Variants in FKBP7 observed in about 807,000 individuals in gnomAD.
FKBP7 encodes peptidyl-prolyl cis-trans isomerase FKBP7.
In FKBP7, 24 loss-of-function variants were observed where a neutral mutation model predicts 24.3. That is an observed-to-expected ratio of 0.99 (90% confidence interval 0.72 to 1.39). The LOEUF (loss-of-function observed/expected upper bound fraction) is 1.39, where lower values mean the gene tolerates loss of function less well. FKBP7 is among the 40% of genes most tolerant of loss of function. FKBP7 has a pLI of 0.00. For synonymous variants in FKBP7, 98 were observed against 92.8 expected, an observed-to-expected ratio of 1.06 and a Z score of -0.32; for missense variants, 257 against 269.5, an observed-to-expected ratio of 0.95 and a Z score of 0.33.
At position 178,465,839 on chromosome 2, in the gene FKBP7, C is replaced by G. The variant is rs200325136; in HGVS notation, c.600G>C (p.Lys200Asn). 4 of 1,611,806 alleles carry G rather than the reference C, an allele frequency of 2.5e-6. No homozygotes were observed. Among genetic ancestry groups the G allele is most frequent in the Non-Finnish European group, 3.4e-6 (4 of 1,178,990 alleles). Residue 200 changes from lysine to asparagine, a missense_variant, in exon 4 of 4, where the codon AAG becomes AAC. Coordinates refer to ENST00000424785, the MANE Select transcript of FKBP7 (RefSeq NM_181342.3). Reference sequence around the variant, plus strand: ...TGAAGCCATCACCATCATGGTCATTCTTCTTAAAAATATCTTCTAAAACTG... The same window carrying G: ...TGAAGCCATCACCATCATGGTCATTGTTCTTAAAAATATCTTCTAAAACTG... ...QDAVLEDIFK[K>N]NDHDGDGFIS... is the part of the protein sequence containing the mutation.
intron 2 of FKBP7, 89 bp downstream of exon 2, chr2:178,476,973 T>C (rs1685026996): frequency 2.1e-6 from 2 of 946,256 alleles, no homozygotes; most frequent in Non-Finnish European, 3.1e-6. Flanking sequence ...GAGACTGTGC[T>C]TTCAATTCTT....
intron 2 of FKBP7, among the ~76,000 whole-genome samples, chr2:178,475,872 G>A (rs1361789264): frequency 2.0e-5 from 3 of 152,072 alleles, no homozygotes; most frequent in African/African-American, 7.2e-5. Flanking sequence ...TTTGCTGTAG[G>A]ATTTTTAAAA....
At position 178,464,413 on chromosome 2, in the gene FKBP7, G is replaced by C. The variant is rs1354310218; in HGVS notation, c.*1357C>G. ...AATTGACTCATGGTTCCCCATGGCT[G>C]GGGAGGCCTCAGGAAGCTTACAATC... On this transcript the variant is annotated 3_prime_UTR_variant, in exon 4 of 4. Transcript: ENST00000424785. The C allele has an allele frequency of 6.6e-6, 1 of 152,204 alleles. No individual in the cohort carries two copies. The highest frequency in any genetic ancestry group is 2.4e-5 in the African/African-American group (1 of 41,452). 9.4% of individuals were successfully genotyped at this position (152,204 alleles called of 1,614,324 possible). A position where few individuals can be genotyped will look rare whatever the true frequency, so the allele number is the denominator to read the frequency against.
chr2:178,472,400 A>G (rs1486434118), intron 2 of FKBP7, among the ~76,000 whole-genome samples: 1 of 152,176 alleles, frequency 6.6e-6, no homozygotes, highest in Non-Finnish European at 1.5e-5. Flanking sequence ...TTAAGAAAAA[A>G]TATTGTAGGT....
chr2:178,472,992 A>C, intron 2 of FKBP7: 1 of 936,168 alleles, frequency 1.1e-6, no homozygotes, highest in South Asian at 1.4e-5. Flanking sequence ...GAAGCAGATC[A>C]AAGAAGTAGG....
chr2:178,466,545 T>C (rs1359041452), intron 3 of FKBP7, among the ~76,000 whole-genome samples: 1 of 152,120 alleles, frequency 6.6e-6, no homozygotes, highest in Non-Finnish European at 1.5e-5. Flanking sequence ...ATGTGACTAA[T>C]GAGCACTTGA....
At chr2:178,468,008 A>G (rs1196951525) in intron 3 of FKBP7, 1 of 152,188 alleles carries the variant, frequency 6.6e-6, no homozygotes, top group Non-Finnish European at 1.5e-5. Flanking sequence ...TCCTTCTTCC[A>G]CTGTTGGCCA....
intron 1 of FKBP7, 57 bp downstream of exon 1, chr2:178,478,222 G>A: frequency 4.4e-6 from 7 of 1,597,438 alleles, no homozygotes; most frequent in Non-Finnish European, 6.0e-6. Flanking sequence ...TCCGCTTGGT[G>A]GAGGCAGGCA....
At chr2:178,476,769 C>G (rs1685015751) in intron 2 of FKBP7, among the ~76,000 whole-genome samples, 1 of 142,886 alleles carries the variant, frequency 7.0e-6, no homozygotes, top group Non-Finnish European at 1.5e-5. Context: ...CAGGCTGGTC[C>G]TGGCCTCAAG....
chr2:178,467,294 T>C (rs1487723914), intron 3 of FKBP7, among the ~76,000 whole-genome samples: 2 of 152,234 alleles, frequency 1.3e-5, no homozygotes, highest in Admixed American at 6.5e-5. Flanking sequence ...TAAAATACTG[T>C]ATTTCCCCCG....
At position 178,478,444 on chromosome 2, in the gene FKBP7, C is replaced by A. The variant is rs781233373; in HGVS notation, c.56G>T (p.Gly19Val). ...FRFIVFFYLW[G>V]LFTAQRQKKE... ...CTTTTGTCTCTGAGCAGTAAAAAGG[C>A]CCCACAGATAAAAGAAAACAATGAA... The change falls in exon 1 of 4, where the codon GGC becomes GTC. Residue 19 changes from glycine (G) to valine (V), a missense_variant. Gly to Val is a moderately radical substitution (Grantham distance 109). Transcript: ENST00000424785. The A allele has an allele frequency of 6.2e-7, 1 of 1,614,204 alleles. No individual in the cohort carries two copies. The highest frequency in any genetic ancestry group is 2.2e-5 in the East Asian group (1 of 44,894).
At chr2:178,467,594 A>G (rs1277888079) in intron 3 of FKBP7, among the ~76,000 whole-genome samples, 1 of 152,200 alleles carries the variant, frequency 6.6e-6, no homozygotes, top group Non-Finnish European at 1.5e-5. Flanking sequence ...TAGAATAATG[A>G]TTATGGCCAT....
At position 178,477,051 on chromosome 2, in the gene FKBP7, A is replaced by G; in HGVS notation, c.373+11T>C. ...ATAACTAAAACAAGAAATTAAAATT[A>G]AACATCTTACCATAGCCTTCCTTTC... On this transcript the variant is annotated intron_variant, in intron 2 of 3. Transcript: ENST00000424785. 6.4e-7 allele frequency: 1 copy of G among 1,560,686 alleles called. No homozygotes were observed. Among genetic ancestry groups the G allele is most frequent in the Non-Finnish European group, 8.7e-7 (1 of 1,155,768 alleles).
intron 2 of FKBP7, among the ~76,000 whole-genome samples, chr2:178,476,160 T>A (rs1229662168): frequency 6.6e-6 from 1 of 152,176 alleles, no homozygotes; most frequent in African/African-American, 2.4e-5. Context: ...AGAATATATA[T>A]AATCATCATG....
At chr2:178,472,403 T>A (rs1260910946) in intron 2 of FKBP7, among the ~76,000 whole-genome samples, 1 of 152,098 alleles carries the variant, frequency 6.6e-6, no homozygotes, top group Non-Finnish European at 1.5e-5. Flanking sequence ...AGAAAAAATA[T>A]TGTAGGTACA....
At position 178,465,174 on chromosome 2, in the gene FKBP7, T is replaced by C. The variant is rs754866762; in HGVS notation, c.*596A>G. On this transcript the variant is annotated 3_prime_UTR_variant, in exon 4 of 4. Coordinates refer to ENST00000424785, the MANE Select transcript of FKBP7 (RefSeq NM_181342.3). ...TTTTTAAACATTCCCCACTGGAAAATACCCAAGGCTAGAAGCTTACACCAA... is the reference window on the plus strand; with the variant it reads ...TTTTTAAACATTCCCCACTGGAAAACACCCAAGGCTAGAAGCTTACACCAA... 24 of 152,188 alleles carry C rather than the reference T, an allele frequency of 1.6e-4. No individual in the cohort carries two copies. Among genetic ancestry groups the C allele is most frequent in the Non-Finnish European group, 8.8e-5 (6 of 68,032 alleles). 9.4% of individuals were successfully genotyped at this position (152,188 alleles called of 1,614,324 possible).
intron 2 of FKBP7, among the ~76,000 whole-genome samples, chr2:178,472,420 G>A (rs999245661): frequency 2.0e-5 from 3 of 151,852 alleles, no homozygotes; most frequent in African/African-American, 7.3e-5. Flanking sequence ...TACATATGCA[G>A]TTTTTGAACA....
At chr2:178,473,063 A>C (rs531090917) in intron 2 of FKBP7, 1 of 1,304,904 alleles carries the variant, frequency 7.7e-7, no homozygotes, top group South Asian at 1.2e-5. Context: ...AACAAGTCAC[A>C]TGCATTTCAA....
At chr2:178,475,803 T>C (rs1327489250) in intron 2 of FKBP7, among the ~76,000 whole-genome samples, 1 of 152,252 alleles carries the variant, frequency 6.6e-6, no homozygotes, top group African/African-American at 2.4e-5. Context: ...TTAGCAAGTC[T>C]TCATACATGT....
Sources: allele counts gnomAD v4.1 joint callset (sites outside exome capture counted in the v4.1 genomes callset), GRCh38; gene constraint gnomAD v4.1.1; transcripts MANE v1.5; gene names NCBI Gene and HGNC (gene_info 2026-07-23, HGNC 2026-07-21).